FNDC10: variants seen among roughly 807,000 people sequenced by gnomAD.
The protein encoded by FNDC10 is fibronectin type III domain containing 10.
Under a neutral mutation model 11.6 loss-of-function variants are expected in FNDC10, and 8 were observed. The observed-to-expected ratio is 0.69, with a 90% CI of 0.41 to 1.25. FNDC10 has a LOEUF of 1.25. Ranked by LOEUF, FNDC10 falls within the 50% of genes most tolerant of loss-of-function variation. The pLI is 0.01. For missense variants in FNDC10, 308 were observed against 330.2 expected (o/e 0.93, Z 0.52); for synonymous variants, 187 against 162.9 (o/e 1.15, Z -1.12).
chr1:1,599,720 G>A lies in FNDC10; in HGVS notation c.296C>T (p.Ala99Val). 7.5e-7 allele frequency: 1 copy of A among 1,331,458 alleles called. No homozygotes were observed. Among genetic ancestry groups the A allele is most frequent in the South Asian group, 2.0e-5 (1 of 51,184 alleles). The allele number at this position is 1,331,458 out of a possible 1,614,324, so 82.5% of individuals were successfully genotyped here. ...CGCGAAGGCGCGCACGCGGCGCGCG[G>A]CGGCCGGGGCCAGGCGCCACTGCAG... ...VLLQWRLAPA[A>V]ARRVRAFALN... The change falls in exon 1 of 1, where the codon GCC becomes GTC. Residue 99 changes from alanine (A) to valine (V), a missense_variant. Coordinates refer to ENST00000422725, the MANE Select transcript of FNDC10 (RefSeq NM_001242659.2). The surrounding 1 kb of genome is among the most constrained non-coding windows in gnomAD (Gnocchi z 6.7).
rs1296304182 is a variant in FNDC10, at chr1:1,599,749, G to A, written c.267C>T (p.Val89=). ...LRASVLRNRS[V]LLQWRLAPAA... is the part of the protein sequence containing the mutation. Reference sequence around the variant, plus strand: ...CCGGGGCCAGGCGCCACTGCAGGAGGACGCTGCGGTTGCGCAGGACGCTGG... The same window carrying A: ...CCGGGGCCAGGCGCCACTGCAGGAGAACGCTGCGGTTGCGCAGGACGCTGG... Residue 89 remains valine (V), a synonymous_variant, in exon 1 of 1, where the codon GTC becomes GTT. Transcript: ENST00000422725. The surrounding 1 kb of genome is among the most constrained non-coding windows in gnomAD (Gnocchi z 6.7). 2.3e-6 allele frequency: 3 copies of A among 1,304,410 alleles called. No homozygotes were observed. Among genetic ancestry groups the A allele is most frequent in the African/African-American group, 3.1e-5 (2 of 63,872 alleles). 80.8% of individuals were successfully genotyped at this position (1,304,410 alleles called of 1,614,324 possible).
Position 1,599,760 on chromosome 1 carries a change from T to C in FNDC10, c.256A>G (p.Asn86Asp). 7.8e-7 allele frequency: 1 copy of C among 1,279,364 alleles called. No homozygotes were observed. The highest frequency in any genetic ancestry group is 2.5e-5 in the South Asian group (1 of 40,450). The allele number at this position is 1,279,364 out of a possible 1,614,324, so 79.3% of individuals were successfully genotyped here. A position where few individuals can be genotyped will look rare whatever the true frequency, so the allele number is the denominator to read the frequency against. ...GRSLRASVLRNRSVLLQWRLA... is the reference protein window; with the variant it reads ...GRSLRASVLRDRSVLLQWRLA... ...CGCCACTGCAGGAGGACGCTGCGGT[T>C]GCGCAGGACGCTGGCGCGCAGGGAG... The change falls in exon 1 of 1, where the codon AAC becomes GAC. Residue 86 changes from asparagine (N) to aspartate (D), a missense_variant. Transcript: ENST00000422725. The surrounding 1 kb of genome is among the most constrained non-coding windows in gnomAD (Gnocchi z 6.7).
chr1:1,598,050 G>T lies in FNDC10; in HGVS notation c.*1285C>A, dbSNP rs984461413. The T allele has an allele frequency of 6.6e-6, 1 of 152,312 alleles. No homozygotes were observed. The highest frequency in any genetic ancestry group is 2.1e-4 in the South Asian group (1 of 4,840). 9.4% of individuals were successfully genotyped at this position (152,312 alleles called of 1,614,324 possible). A position where few individuals can be genotyped will look rare whatever the true frequency, so the allele number is the denominator to read the frequency against. On this transcript the variant is annotated 3_prime_UTR_variant, in exon 1 of 1. Transcript: ENST00000422725. The stretch of plus-strand genomic sequence containing the variant: ...GATGGACATTTAGACACTGGCGCCA[G>T]GTTTGCGCCTGACCGGCGCCACGCA...
In FNDC10 at chr1:1,599,626, G is replaced by C. The variant is rs1643087798; in HGVS notation, c.390C>G (p.Cys130Trp). Reference protein sequence around the residue: ...PCERVLLGASCRDYLLPDVHD... With the variant: ...PCERVLLGASWRDYLLPDVHD... ...GCACGTCGGGCAGCAGGTAGTCGCGGCAGGAGGCCCCGAGGAGCACGCGCT... is the reference window on the plus strand; with the variant it reads ...GCACGTCGGGCAGCAGGTAGTCGCGCCAGGAGGCCCCGAGGAGCACGCGCT... The change falls in exon 1 of 1, where the codon TGC (cysteine) becomes TGG (tryptophan). Residue 130 changes from cysteine (C) to tryptophan (W), a missense_variant. Coordinates refer to ENST00000422725, the MANE Select transcript of FNDC10 (RefSeq NM_001242659.2). The surrounding 1 kb of genome is among the most constrained non-coding windows in gnomAD (Gnocchi z 6.7). 3 of 1,495,526 alleles carry C rather than the reference G, an allele frequency of 2.0e-6. No homozygotes were observed. Among genetic ancestry groups the C allele is most frequent in the Non-Finnish European group, 2.7e-6 (3 of 1,127,346 alleles). 92.6% of individuals were successfully genotyped at this position (1,495,526 alleles called of 1,614,324 possible).
In FNDC10 at chr1:1,600,005, G is replaced by C. The variant is rs1643095051; in HGVS notation, c.11C>G (p.Pro4Arg). 1.0e-6 allele frequency: 1 copy of C among 980,626 alleles called. No individual in the cohort carries two copies. The highest frequency in any genetic ancestry group is 1.8e-5 in the African/African-American group (1 of 56,558). 60.7% of individuals were successfully genotyped at this position (980,626 alleles called of 1,614,324 possible). A position where few individuals can be genotyped will look rare whatever the true frequency, so the allele number is the denominator to read the frequency against. Reference sequence around the variant, plus strand: ...GGCGGCCAGCAGCAGCAGCAGCGGCGGGGCGCGCATCCTGCGGCGGGGCCA... The same window carrying C: ...GGCGGCCAGCAGCAGCAGCAGCGGCCGGGCGCGCATCCTGCGGCGGGGCCA... MRA[P>R]PLLLLLAACA... Residue 4 changes from proline (P) to arginine (R), a missense_variant, in exon 1 of 1, where the codon CCG becomes CGG. Coordinates refer to ENST00000422725, the MANE Select transcript of FNDC10 (RefSeq NM_001242659.2).
At position 1,600,017 on chromosome 1, in the gene FNDC10, C is replaced by T. The variant is rs1308142759; in HGVS notation, c.-2G>A. 19 of 979,672 alleles carry T rather than the reference C, an allele frequency of 1.9e-5. No individual in the cohort carries two copies. In the Admixed American group the frequency reaches 7.7e-4, roughly 39 times the overall value. The allele number at this position is 979,672 out of a possible 1,614,324, so 60.7% of individuals were successfully genotyped here. A position where few individuals can be genotyped will look rare whatever the true frequency, so the allele number is the denominator to read the frequency against. ...CAGCAGCAGCGGCGGGGCGCGCATCCTGCGGCGGGGCCACGGGGCGCGGCG... is the reference window on the plus strand; with the variant it reads ...CAGCAGCAGCGGCGGGGCGCGCATCTTGCGGCGGGGCCACGGGGCGCGGCG... On this transcript the variant is annotated 5_prime_UTR_variant, in exon 1 of 1. Transcript: ENST00000422725.
In FNDC10 at chr1:1,599,021, C is replaced by T; in HGVS notation, c.*314G>A. ...GAGGTGCGGGGTGAGCCGGAGTGCC[C>T]ATGGCTCTTGCTGGAAGGGGCTCCA... On this transcript the variant is annotated 3_prime_UTR_variant, in exon 1 of 1. Coordinates refer to ENST00000422725, the MANE Select transcript of FNDC10 (RefSeq NM_001242659.2). This position sits in a 1 kb window ranked among gnomAD's most constrained non-coding sequence, Gnocchi z 6.7. 4.6e-6 allele frequency: 2 copies of T among 435,074 alleles called. No individual in the cohort carries two copies. Among genetic ancestry groups the T allele is most frequent in the Non-Finnish European group, 8.1e-6 (2 of 245,640 alleles). 27.0% of individuals were successfully genotyped at this position (435,074 alleles called of 1,614,324 possible). A position where few individuals can be genotyped will look rare whatever the true frequency, so the allele number is the denominator to read the frequency against.
At position 1,599,529 on chromosome 1, in the gene FNDC10, C is replaced by G. The variant is rs1305810920; in HGVS notation, c.487G>C (p.Glu163Gln). 1 of 1,510,250 alleles carries G rather than the reference C, an allele frequency of 6.6e-7. No individual in the cohort carries two copies. Among genetic ancestry groups the G allele is most frequent in the Non-Finnish European group, 8.8e-7 (1 of 1,138,288 alleles). 93.6% of individuals were successfully genotyped at this position (1,510,250 alleles called of 1,614,324 possible). A position where few individuals can be genotyped will look rare whatever the true frequency, so the allele number is the denominator to read the frequency against. Residue 163 changes from glutamate (E) to glutamine (Q), a missense_variant, in exon 1 of 1, where the codon GAG (glutamate) becomes CAG (glutamine). Glu to Gln is a conservative substitution (Grantham distance 29). Coordinates refer to ENST00000422725, the MANE Select transcript of FNDC10 (RefSeq NM_001242659.2). The surrounding 1 kb of genome is among the most constrained non-coding windows in gnomAD (Gnocchi z 6.7). ...LRAGPAAAAP[E>Q]TPEPAECVEF... Reference sequence around the variant, plus strand: ...ACGCACTCGGCCGGCTCGGGGGTCTCTGGCGCGGCGGCGGCGGGCCCAGCG... The same window carrying G: ...ACGCACTCGGCCGGCTCGGGGGTCTGTGGCGCGGCGGCGGCGGGCCCAGCG...
chr1:1,600,001 C>A lies in FNDC10; in HGVS notation c.15G>T (p.Pro5=). The A allele has an allele frequency of 1.0e-6, 1 of 980,698 alleles. No individual in the cohort carries two copies. Among genetic ancestry groups the A allele is most frequent in the Non-Finnish European group, 1.2e-6 (1 of 828,170 alleles). 60.7% of individuals were successfully genotyped at this position (980,698 alleles called of 1,614,324 possible). A position where few individuals can be genotyped will look rare whatever the true frequency, so the allele number is the denominator to read the frequency against. ...CGCAGGCGGCCAGCAGCAGCAGCAG[C>A]GGCGGGGCGCGCATCCTGCGGCGGG... MRAP[P]LLLLLAACAP... Residue 5 remains proline, a synonymous_variant, in exon 1 of 1, where the codon CCG becomes CCT. Transcript: ENST00000422725.
chr1:1,599,553 C>G lies in FNDC10; in HGVS notation c.463G>C (p.Ala155Pro). 1.3e-6 allele frequency: 2 copies of G among 1,505,394 alleles called. No homozygotes were observed. Among genetic ancestry groups the G allele is most frequent in the South Asian group, 1.2e-5 (1 of 80,596 alleles). The allele number at this position is 1,505,394 out of a possible 1,614,324, so 93.3% of individuals were successfully genotyped here. A position where few individuals can be genotyped will look rare whatever the true frequency, so the allele number is the denominator to read the frequency against. The change falls in exon 1 of 1, where the codon GCT (alanine) becomes CCT (proline). Residue 155 changes from alanine to proline, a missense_variant. By Grantham distance (27) the Ala-to-Pro change is conservative. Coordinates refer to ENST00000422725, the MANE Select transcript of FNDC10 (RefSeq NM_001242659.2). The surrounding 1 kb of genome is among the most constrained non-coding windows in gnomAD (Gnocchi z 6.7). Reference sequence around the variant, plus strand: ...TCTGGCGCGGCGGCGGCGGGCCCAGCGCGCAGCGGCAGCGGCTGCAGGCAC... The same window carrying G: ...TCTGGCGCGGCGGCGGCGGGCCCAGGGCGCAGCGGCAGCGGCTGCAGGCAC... ...RLCLQPLPLR[A>P]GPAAAAPETP...
At position 1,599,152 on chromosome 1, in the gene FNDC10, G is replaced by C; in HGVS notation, c.*183C>G. 1 of 607,700 alleles carries C rather than the reference G, an allele frequency of 1.6e-6. No individual in the cohort carries two copies. The highest frequency in any genetic ancestry group is 2.8e-6 in the Non-Finnish European group (1 of 362,112). 37.6% of individuals were successfully genotyped at this position (607,700 alleles called of 1,614,324 possible). On this transcript the variant is annotated 3_prime_UTR_variant, in exon 1 of 1. Coordinates refer to ENST00000422725, the MANE Select transcript of FNDC10 (RefSeq NM_001242659.2). The surrounding 1 kb of genome is among the most constrained non-coding windows in gnomAD (Gnocchi z 6.7). ...GCCAATCCGGGGCCAGAGTCTGGGA[G>C]TCTGACGCCCGGCTGGAAAGGGCGT...
chr1:1,599,275 A>G lies in FNDC10; in HGVS notation c.*60T>C. The G allele has an allele frequency of 7.2e-7, 1 of 1,391,878 alleles. No homozygotes were observed. Among genetic ancestry groups the G allele is most frequent in the East Asian group, 2.8e-5 (1 of 36,098 alleles). The allele number at this position is 1,391,878 out of a possible 1,614,324, so 86.2% of individuals were successfully genotyped here. A position where few individuals can be genotyped will look rare whatever the true frequency, so the allele number is the denominator to read the frequency against. ...ATGAGGAGAGGAGAGCGGGCGGAGGACCTGGGAGCTCAGGCGCCCTCAGGC... is the reference window on the plus strand; with the variant it reads ...ATGAGGAGAGGAGAGCGGGCGGAGGGCCTGGGAGCTCAGGCGCCCTCAGGC... On this transcript the variant is annotated 3_prime_UTR_variant, in exon 1 of 1. Coordinates refer to ENST00000422725, the MANE Select transcript of FNDC10 (RefSeq NM_001242659.2). This position sits in a 1 kb window ranked among gnomAD's most constrained non-coding sequence, Gnocchi z 6.7.
Position 1,599,063 on chromosome 1 carries a change from A to C in FNDC10, c.*272T>G. 1 of 489,644 alleles carries C rather than the reference A, an allele frequency of 2.0e-6. No homozygotes were observed. 30.3% of individuals were successfully genotyped at this position (489,644 alleles called of 1,614,324 possible). A position where few individuals can be genotyped will look rare whatever the true frequency, so the allele number is the denominator to read the frequency against. ...GGGGCTCCATGCCCTGGCCGCCTCT[A>C]TAAAGGCCTGCGGAGAGCGGGGAGA... On this transcript the variant is annotated 3_prime_UTR_variant, in exon 1 of 1. Coordinates refer to ENST00000422725, the MANE Select transcript of FNDC10 (RefSeq NM_001242659.2). The surrounding 1 kb of genome is among the most constrained non-coding windows in gnomAD (Gnocchi z 6.7).
In FNDC10 at chr1:1,599,313, G is replaced by A. The variant is rs893443556; in HGVS notation, c.*22C>T. ...GGCGCCCTCAGGCAGGTGGCGCAAAGATGGGCGGGCGGCCTCGCGCTTCAG... is the reference window on the plus strand; with the variant it reads ...GGCGCCCTCAGGCAGGTGGCGCAAAAATGGGCGGGCGGCCTCGCGCTTCAG... On this transcript the variant is annotated 3_prime_UTR_variant, in exon 1 of 1. Transcript: ENST00000422725. The surrounding 1 kb of genome is among the most constrained non-coding windows in gnomAD (Gnocchi z 6.7). 9 of 1,465,852 alleles carry A rather than the reference G, an allele frequency of 6.1e-6. No individual in the cohort carries two copies. In the Admixed American group the frequency reaches 9.8e-5, roughly 16 times the overall value. The allele number at this position is 1,465,852 out of a possible 1,614,324, so 90.8% of individuals were successfully genotyped here. A position where few individuals can be genotyped will look rare whatever the true frequency, so the allele number is the denominator to read the frequency against.
In FNDC10 at chr1:1,599,802, G is replaced by A. The variant is rs1643091318; in HGVS notation, c.214C>T (p.His72Tyr). 1 of 1,192,746 alleles carries A rather than the reference G, an allele frequency of 8.4e-7. No homozygotes were observed. The highest frequency in any genetic ancestry group is 1.0e-6 in the Non-Finnish European group (1 of 966,800). The allele number at this position is 1,192,746 out of a possible 1,614,324, so 73.9% of individuals were successfully genotyped here. ...CGCAGGGAGCGGCCGGCCGGGGCGT[G>A]CAGCACGCAGCCCGGAGCCTGGCAG... Reference protein sequence around the residue: ...FRCQAPGCVLHAPAGRSLRAS... With the variant: ...FRCQAPGCVLYAPAGRSLRAS... Residue 72 changes from histidine to tyrosine, a missense_variant, in exon 1 of 1, where the codon CAC becomes TAC. By Grantham distance (83) the His-to-Tyr change is moderately conservative. Transcript: ENST00000422725. The surrounding 1 kb of genome is among the most constrained non-coding windows in gnomAD (Gnocchi z 6.7).
At position 1,599,972 on chromosome 1, in the gene FNDC10, G is replaced by A. The variant is rs1328808478; in HGVS notation, c.44C>T (p.Pro15Leu). ...CGGGGCGGCCGCGGCGCAGGGCGGC[G>A]GCGCGCAGGCGGCCAGCAGCAGCAG... Reference protein sequence around the residue: ...PLLLLLAACAPPPCAAAAPTP... With the variant: ...PLLLLLAACALPPCAAAAPTP... Residue 15 changes from proline to leucine, a missense_variant, in exon 1 of 1, where the codon CCG becomes CTG. By Grantham distance (98) the Pro-to-Leu change is moderately conservative (BLOSUM62 -3). Transcript: ENST00000422725. This position sits in a 1 kb window ranked among gnomAD's most constrained non-coding sequence, Gnocchi z 6.7. The A allele has an allele frequency of 5.6e-5, 55 of 983,404 alleles. No homozygotes were observed. In the South Asian group the frequency reaches 5.9e-4, roughly 11 times the overall value. 60.9% of individuals were successfully genotyped at this position (983,404 alleles called of 1,614,324 possible). A position where few individuals can be genotyped will look rare whatever the true frequency, so the allele number is the denominator to read the frequency against.
Position 1,599,718 on chromosome 1 carries a change from C to T in FNDC10, c.298G>A (p.Ala100Thr). The T allele has an allele frequency of 3.0e-6, 4 of 1,333,316 alleles. No individual in the cohort carries two copies. Among genetic ancestry groups the T allele is most frequent in the Non-Finnish European group, 3.8e-6 (4 of 1,050,036 alleles). 82.6% of individuals were successfully genotyped at this position (1,333,316 alleles called of 1,614,324 possible). A position where few individuals can be genotyped will look rare whatever the true frequency, so the allele number is the denominator to read the frequency against. The change falls in exon 1 of 1, where the codon GCG (alanine) becomes ACG (threonine). Residue 100 changes from alanine (A) to threonine (T), a missense_variant. Transcript: ENST00000422725. The surrounding 1 kb of genome is among the most constrained non-coding windows in gnomAD (Gnocchi z 6.7). ...AGCGCGAAGGCGCGCACGCGGCGCG[C>T]GGCGGCCGGGGCCAGGCGCCACTGC... Reference protein sequence around the residue: ...LLQWRLAPAAARRVRAFALNC... With the variant: ...LLQWRLAPAATRRVRAFALNC...
Position 1,599,028 on chromosome 1 carries a change from C to T in FNDC10, c.*307G>A. 2.3e-6 allele frequency: 1 copy of T among 442,582 alleles called. No individual in the cohort carries two copies. Among genetic ancestry groups the T allele is most frequent in the Non-Finnish European group, 4.0e-6 (1 of 250,360 alleles). The allele number at this position is 442,582 out of a possible 1,614,324, so 27.4% of individuals were successfully genotyped here. ...GGGGTGAGCCGGAGTGCCCATGGCTCTTGCTGGAAGGGGCTCCATGCCCTG... is the reference window on the plus strand; with the variant it reads ...GGGGTGAGCCGGAGTGCCCATGGCTTTTGCTGGAAGGGGCTCCATGCCCTG... On this transcript the variant is annotated 3_prime_UTR_variant, in exon 1 of 1. Coordinates refer to ENST00000422725, the MANE Select transcript of FNDC10 (RefSeq NM_001242659.2). The surrounding 1 kb of genome is among the most constrained non-coding windows in gnomAD (Gnocchi z 6.7).
At position 1,599,663 on chromosome 1, in the gene FNDC10, C is replaced by A; in HGVS notation, c.353G>T (p.Arg118Leu). The A allele has an allele frequency of 1.9e-5, 27 of 1,449,430 alleles. No individual in the cohort carries two copies. The highest frequency in any genetic ancestry group is 2.3e-5 in the Non-Finnish European group (26 of 1,107,080). 89.8% of individuals were successfully genotyped at this position (1,449,430 alleles called of 1,614,324 possible). A position where few individuals can be genotyped will look rare whatever the true frequency, so the allele number is the denominator to read the frequency against. The change falls in exon 1 of 1, where the codon CGC becomes CTC. Residue 118 changes from arginine (R) to leucine (L), a missense_variant. Arg to Leu is a moderately radical substitution (Grantham distance 102, BLOSUM62 -2). Coordinates refer to ENST00000422725, the MANE Select transcript of FNDC10 (RefSeq NM_001242659.2). The surrounding 1 kb of genome is among the most constrained non-coding windows in gnomAD (Gnocchi z 6.7). Reference sequence around the variant, plus strand: ...GAGGAGCACGCGCTCGCACGGGAAGCGCGTGTAGGCGCCGCGCCACGAGCA... The same window carrying A: ...GAGGAGCACGCGCTCGCACGGGAAGAGCGTGTAGGCGCCGCGCCACGAGCA... ...LNCSWRGAYT[R>L]FPCERVLLGA...
Sources: gnomAD v4.1 joint callset for allele counts on GRCh38, gnomAD v4.1.1 for gene constraint, Gnocchi (gnomAD v3.1) non-coding constraint, MANE v1.5 for transcripts, NCBI Gene and HGNC (gene_info 2026-07-23, HGNC 2026-07-21) for gene names.